Variants in BCHE observed in about 807,000 individuals in gnomAD.
The protein encoded by BCHE is cholinesterase.
Under a neutral mutation model 51.3 loss-of-function variants are expected in BCHE, and 48 were observed. The observed-to-expected ratio is 0.94, with a 90% confidence interval of 0.74 to 1.19. The LOEUF (loss-of-function observed/expected upper bound fraction) is 1.19. Among genes scored for constraint, BCHE ranks in the 50% most tolerant of loss-of-function variants. The pLI is 0.00. For missense variants in BCHE, 847 were observed against 708.2 expected, an observed-to-expected ratio of 1.20 and a Z score of -2.23; for synonymous variants, 251 against 238.0, an observed-to-expected ratio of 1.05 and a Z score of -0.50.
chr3:165,823,550 A>C (rs555678844), intron 2 of BCHE, among the ~76,000 whole-genome samples: 324 of 152,230 alleles, frequency 2.1e-3, no homozygotes, highest in South Asian at 7.5e-3. Context: ...ATCCTTGAAA[A>C]CTATAACCTA....
intron 2 of BCHE, among the ~76,000 whole-genome samples, chr3:165,794,369 T>A (rs1291835716): frequency 6.6e-6 from 1 of 152,188 alleles, no homozygotes; most frequent in Non-Finnish European, 1.5e-5. Context: ...ACACAAGCTG[T>A]CATAGTCTGC....
intron 2 of BCHE, among the ~76,000 whole-genome samples, chr3:165,809,742 C>T (rs1334816746): frequency 6.6e-6 from 1 of 151,978 alleles, no homozygotes; most frequent in Non-Finnish European, 1.5e-5. Context: ...ATAGTACTCC[C>T]CAATGATAAT....
chr3:165,779,997 C>T (rs1411150948), intron 3 of BCHE, among the ~76,000 whole-genome samples: 3 of 152,122 alleles, frequency 2.0e-5, no homozygotes, highest in Non-Finnish European at 2.9e-5. Flanking sequence ...TATCATGCTA[C>T]CTGACTTCAA....
chr3:165,790,600 C>T (rs1713129044), intron 2 of BCHE, among the ~76,000 whole-genome samples: 2 of 152,234 alleles, frequency 1.3e-5, no homozygotes, highest in South Asian at 4.1e-4. Context: ...GCCATAAGGA[C>T]CCTAAACTTA....
intron 2 of BCHE, among the ~76,000 whole-genome samples, chr3:165,796,097 G>C (rs1313550999): frequency 2.0e-5 from 3 of 151,928 alleles, no homozygotes; most frequent in Non-Finnish European, 2.9e-5. Context: ...CACTAATAAA[G>C]GGGAACAAAT....
At chr3:165,816,126 T>C (rs1714306459) in intron 2 of BCHE, among the ~76,000 whole-genome samples, 3 of 151,892 alleles carry the variant, frequency 2.0e-5, no homozygotes, top group African/African-American at 4.8e-5. Context: ...ACATTTGTCA[T>C]ACTTTTTTGA....
At chr3:165,791,006 G>A (rs769007572) in intron 2 of BCHE, among the ~76,000 whole-genome samples, 26 of 152,040 alleles carry the variant, frequency 1.7e-4, no homozygotes, top group Non-Finnish European at 3.1e-4. Flanking sequence ...CACAAAGAAA[G>A]AACAAGACTG....
intron 2 of BCHE, among the ~76,000 whole-genome samples, chr3:165,796,247 G>A (rs1713370949): frequency 1.3e-5 from 2 of 152,072 alleles, no homozygotes; most frequent in Admixed American, 1.3e-4. Context: ...AATAAGCAAA[G>A]ACCAATTATG....
chr3:165,800,116 AT>A (rs969181628), intron 2 of BCHE, among the ~76,000 whole-genome samples: 2 of 151,842 alleles, frequency 1.3e-5, no homozygotes, highest in East Asian at 1.9e-4. Context: ...TTCCTCCAAA[AT>A]TTTTTTTCTG....
intron 3 of BCHE, among the ~76,000 whole-genome samples, chr3:165,780,291 T>G (rs1275710172): frequency 6.6e-6 from 1 of 152,034 alleles, no homozygotes. Context: ...TGGTAAAACC[T>G]CAAAAAATAA....
At chr3:165,810,499 T>C (rs924051992) in intron 2 of BCHE, among the ~76,000 whole-genome samples, 1 of 152,170 alleles carries the variant, frequency 6.6e-6, no homozygotes, top group African/African-American at 2.4e-5. Context: ...TCTTATTTTA[T>C]CTTTGGATGT....
chr3:165,826,945 A>G (rs1043413340), intron 2 of BCHE, among the ~76,000 whole-genome samples: 2 of 152,050 alleles, frequency 1.3e-5, no homozygotes, highest in African/African-American at 4.8e-5. Flanking sequence ...TTTCCCTAGT[A>G]CTGACACTCA....
At chr3:165,782,771 C>G (rs563801561) in intron 3 of BCHE, among the ~76,000 whole-genome samples, 1 of 152,266 alleles carries the variant, frequency 6.6e-6, no homozygotes, top group Non-Finnish European at 1.5e-5. Flanking sequence ...GCAACGTAGA[C>G]TGTTGTCTGA....
chr3:165,817,903 C>A (rs1391932060), intron 2 of BCHE, among the ~76,000 whole-genome samples: 2 of 151,836 alleles, frequency 1.3e-5, no homozygotes, highest in African/African-American at 4.8e-5. Context: ...AAATCTTTAC[C>A]CTCAAAGGCC....
intron 2 of BCHE, among the ~76,000 whole-genome samples, chr3:165,793,703 A>T (rs1452273360): frequency 1.3e-5 from 2 of 152,210 alleles, no homozygotes; most frequent in African/African-American, 4.8e-5. Flanking sequence ...TTCTGCTTCC[A>T]GTAACTATTT....
rs770811946 is a variant in BCHE, at chr3:165,830,256, C to T, written c.778G>A (p.Ala260Thr). 1 of 1,613,982 alleles carries T rather than the reference C, an allele frequency of 6.2e-7. No individual in the cohort carries two copies. The highest frequency in any genetic ancestry group is 2.2e-5 in the East Asian group (1 of 44,872). Reference protein sequence around the residue: ...LQSGSFNAPWAVTSLYEARNR... With the variant: ...LQSGSFNAPWTVTSLYEARNR... ...CTAGCTTCATAAAGAGATGTTACCG[C>T]CCAAGGAGCATTAAAGGATCCACTT... The change falls in exon 2 of 4, where the codon GCG (alanine) becomes ACG (threonine). Residue 260 changes from alanine (A) to threonine (T), a missense_variant. By Grantham distance (58) the Ala-to-Thr change is moderately conservative. Coordinates refer to ENST00000264381, the MANE Select transcript of BCHE (RefSeq NM_000055.4).
chr3:165,786,634 T>A (rs1477075183), intron 2 of BCHE, among the ~76,000 whole-genome samples: 1 of 151,826 alleles, frequency 6.6e-6, no homozygotes, highest in Non-Finnish European at 1.5e-5. Flanking sequence ...AGGGTGGTGT[T>A]ACTTTTGTTT....
chr3:165,831,071 A>G (rs1194892408), intron 1 of BCHE, 30 bp from the exon 2 acceptor site: 20 of 1,548,364 alleles, frequency 1.3e-5, no homozygotes, highest in Non-Finnish European at 1.6e-5. Context: ...AATGTTTTAT[A>G]AGCCTTCTGC....
intron 2 of BCHE, among the ~76,000 whole-genome samples, chr3:165,804,694 T>C (rs529396825): frequency 1.3e-5 from 2 of 152,226 alleles, no homozygotes; most frequent in African/African-American, 4.8e-5. Flanking sequence ...AATGTTTGAG[T>C]TTTGGGAAGA....
Sources: gnomAD v4.1 joint callset for allele counts (sites outside exome capture counted in the v4.1 genomes callset) on GRCh38, gnomAD v4.1.1 for gene constraint, MANE v1.5 for transcripts, NCBI Gene and HGNC (gene_info 2026-07-23, HGNC 2026-07-21) for gene names.